CEP55: variants seen among roughly 807,000 people sequenced by gnomAD.
CEP55 encodes the protein centrosomal protein 55.
In CEP55, 57 loss-of-function variants were observed where a neutral mutation model predicts 63.2. The ratio of observed to expected loss-of-function variants is 0.90; its 90% CI spans 0.73 to 1.13. CEP55 has a LOEUF of 1.13. CEP55 is among the 50% of genes most tolerant of loss of function. CEP55 has a pLI of 0.00. For synonymous variants in CEP55, 178 were observed against 191.6 expected (o/e 0.93, Z 0.59); for missense variants, 456 against 518.9 (o/e 0.88, Z 1.18).
At position 93,515,401 on chromosome 10, in the gene CEP55, T is replaced by G. The variant is rs1026080513; in HGVS notation, c.529-4T>G. 3 of 1,583,354 alleles carry G rather than the reference T, an allele frequency of 1.9e-6. No homozygotes were observed. In the African/African-American group the frequency reaches 4.0e-5, roughly 21 times the overall value. On this transcript the variant is annotated splice_region_variant and splice_polypyrimidine_tract_variant and intron_variant, in intron 4 of 8. Transcript: ENST00000371485. ...TGTTGATTTTCTTTCATCTTCCCAT[T>G]AAGGCTCTGGAGAAAAATCAGCAGT...
At position 93,503,772 on chromosome 10, in the gene CEP55, C is replaced by T. The variant is rs566640951; in HGVS notation, c.459+384C>T. Among the ~76,000 whole-genome samples, 4 of 152,130 alleles carry T rather than the reference C, an allele frequency of 2.6e-5. No homozygotes were observed. In the South Asian group the frequency reaches 6.2e-4, roughly 24 times the overall value. ...CAATTATAATATCAAGTATACTTTT[C>T]CTAACTGCACTTGCATTTTCTCCCC... is the stretch of plus-strand genomic sequence containing the variant. On this transcript the variant is annotated intron_variant, in intron 3 of 8. Coordinates refer to ENST00000371485, the MANE Select transcript of CEP55 (RefSeq NM_018131.5).
chr10:93,511,926 T>G (rs1262462283), intron 4 of CEP55, among the ~76,000 whole-genome samples: 1 of 150,670 alleles, frequency 6.6e-6, no homozygotes, highest in Non-Finnish European at 1.5e-5. Context: ...AAAAGAAAAA[T>G]AAAATAAATA....
intron 4 of CEP55, among the ~76,000 whole-genome samples, chr10:93,514,893 C>T (rs2057787801): frequency 6.6e-6 from 1 of 152,218 alleles, no homozygotes; most frequent in African/African-American, 2.4e-5. Flanking sequence ...CTGCCTCAGC[C>T]TCCTGAGTAG....
intron 2 of CEP55, among the ~76,000 whole-genome samples, 198 bp from the exon 3 acceptor site, chr10:93,502,915 G>A (rs1488913703): frequency 3.3e-5 from 5 of 152,124 alleles, no homozygotes; most frequent in Admixed American, 6.5e-5. Context: ...CACTTACAAC[G>A]TTGCATTAAT....
chr10:93,507,922 CG>C (rs2134466423), intron 4 of CEP55, among the ~76,000 whole-genome samples: 1 of 152,290 alleles, frequency 6.6e-6, no homozygotes, highest in Non-Finnish European at 1.5e-5. Context: ...GCTGGGATTA[CG>C]GGCGTGTGCC....
chr10:93,526,588 A>C (rs1315956270), intron 8 of CEP55, among the ~76,000 whole-genome samples: 6 of 152,244 alleles, frequency 3.9e-5, no homozygotes, highest in Admixed American at 2.6e-4. Context: ...TACTGGGTAT[A>C]TACCCAAAGG....
chr10:93,505,196 C>T (rs1352689708), intron 3 of CEP55, among the ~76,000 whole-genome samples: 2 of 152,210 alleles, frequency 1.3e-5, no homozygotes, highest in African/African-American at 4.8e-5. Context: ...GTATGTCTGA[C>T]TCCTATAACA....
At chr10:93,517,635 C>A (rs561888633) in intron 6 of CEP55, among the ~76,000 whole-genome samples, 40 of 152,296 alleles carry the variant, frequency 2.6e-4, no homozygotes, top group African/African-American at 9.4e-4. Context: ...TGAGAGGAAT[C>A]GAGGCTGATT....
chr10:93,528,710 C>G lies in CEP55; in HGVS notation c.*557C>G, dbSNP rs1196829631. On this transcript the variant is annotated 3_prime_UTR_variant, in exon 9 of 9. Transcript: ENST00000371485. ...TGCTGCTTACCATTGAAACTTAACC[C>G]AGCTGTGTTCCCCAACTCTGTTCTG... The G allele has an allele frequency of 1.3e-5, 2 of 153,370 alleles. No individual in the cohort carries two copies. Among genetic ancestry groups the G allele is most frequent in the African/African-American group, 2.4e-5 (1 of 41,390 alleles). 9.5% of individuals were successfully genotyped at this position (153,370 alleles called of 1,614,324 possible).
chr10:93,513,939 C>A lies in CEP55; in HGVS notation c.529-1466C>A, dbSNP rs572033108. Among the ~76,000 whole-genome samples, 11 of 150,874 alleles carry A rather than the reference C, an allele frequency of 7.3e-5. 1 individual carries two copies. The highest frequency in any genetic ancestry group is 2.4e-4 in the African/African-American group (10 of 41,052). ...TTTTAACTAATTGCATCTGCAAAGC[C>A]TCCCCCTCCCCTTTTTTTTTTTTGA... On this transcript the variant is annotated intron_variant, in intron 4 of 8. Transcript: ENST00000371485.
intron 3 of CEP55, among the ~76,000 whole-genome samples, chr10:93,503,956 G>T (rs1224184678): frequency 2.0e-5 from 3 of 149,990 alleles, no homozygotes; most frequent in African/African-American, 7.4e-5. Context: ...CCAGACCCCT[G>T]TTCTAAATCT....
intron 2 of CEP55, among the ~76,000 whole-genome samples, chr10:93,502,876 G>T (rs907068705): frequency 2.6e-5 from 4 of 152,272 alleles, no homozygotes; most frequent in Non-Finnish European, 4.4e-5. Flanking sequence ...TTGTGTCTGT[G>T]CTCATTTTTT....
Position 93,507,007 on chromosome 10 carries a change from T to G in CEP55, c.479T>G (p.Phe160Cys), listed in dbSNP as rs2057695889. 1 of 1,588,908 alleles carries G rather than the reference T, an allele frequency of 6.3e-7. No homozygotes were observed. Among genetic ancestry groups the G allele is most frequent in the Non-Finnish European group, 8.6e-7 (1 of 1,157,470 alleles). ...TTACAGACTGTGGCTCCAAACTGCT[T>G]CAACTCATCAATAAATAATATTCAT... ...RLSQTVAPNC[F>C]NSSINNIHEM... The change falls in exon 4 of 9, where the codon TTC becomes TGC. Residue 160 changes from phenylalanine (F) to cysteine (C), a missense_variant. Physicochemically the swap from Phe to Cys is radical, Grantham distance 205. Transcript: ENST00000371485.
chr10:93,504,367 G>A (rs2057666579), intron 3 of CEP55, among the ~76,000 whole-genome samples: 1 of 151,978 alleles, frequency 6.6e-6, no homozygotes, highest in African/African-American at 2.4e-5. Context: ...CAGCTATTCG[G>A]GAGGCTGAGG....
At chr10:93,504,222 C>T (rs1378665889) in intron 3 of CEP55, among the ~76,000 whole-genome samples, 1 of 152,132 alleles carries the variant, frequency 6.6e-6, no homozygotes, top group Non-Finnish European at 1.5e-5. Flanking sequence ...CCTATAATCC[C>T]ACCACTTTGG....
chr10:93,498,577 C>CAATCTCCACAGTTCT (rs1016055501), intron 1 of CEP55, among the ~76,000 whole-genome samples: 1 of 152,220 alleles, frequency 6.6e-6, no homozygotes, highest in Non-Finnish European at 1.5e-5. Context: ...TTCTTCTACT[C>CAATCTCCACAGTTCT]AATCTCCACA....
intron 7 of CEP55, 73 bp from the exon 8 acceptor site, chr10:93,519,609 A>T: frequency 1.3e-6 from 2 of 1,519,766 alleles, no homozygotes; most frequent in South Asian, 2.4e-5. Context: ...CTAATAAAAA[A>T]ATGTGAGCAT....
Position 93,503,275 on chromosome 10 carries a change from C to T in CEP55, c.346C>T (p.Gln116Ter), listed in dbSNP as rs775247509. ...ETTREGERRE[Q>*]VLKALSEEKD... ...AACGAGAGAAGGAGAAAGGAGGGAG[C>T]AGGTGTTGAAAGCCTTATCTGAAGA... The change falls in exon 3 of 9, where the codon CAG (glutamine) becomes TAG (stop). Residue 116 changes from glutamine to a stop codon, truncating the protein, a stop_gained. Transcript: ENST00000371485. LOFTEE classifies it high-confidence loss of function. 2 of 1,614,132 alleles carry T rather than the reference C, an allele frequency of 1.2e-6. No homozygotes were observed. The highest frequency in any genetic ancestry group is 3.3e-5 in the Admixed American group (2 of 60,010).
Position 93,503,132 on chromosome 10 carries a change from C to G in CEP55, c.203C>G (p.Ala68Gly), listed in dbSNP as rs2057650622. The change falls in exon 3 of 9, where the codon GCT (alanine) becomes GGT (glycine). Residue 68 changes from alanine to glycine, a missense_variant. Coordinates refer to ENST00000371485, the MANE Select transcript of CEP55 (RefSeq NM_018131.5). ...GTCTAGAAAATTCGAGTCCTTGAGG[C>G]TGAGAAGGAGAAGAATGCTTATCAA... is the stretch of plus-strand genomic sequence containing the variant. ...RLLEKIRVLE[A>G]EKEKNAYQLT... 1.2e-6 allele frequency: 2 copies of G among 1,613,390 alleles called. No homozygotes were observed.
Sources: allele counts gnomAD v4.1 joint callset (sites outside exome capture counted in the v4.1 genomes callset), GRCh38; gene constraint gnomAD v4.1.1; transcripts MANE v1.5; gene names NCBI Gene and HGNC (gene_info 2026-07-23, HGNC 2026-07-21).